Variants in PAN3 observed in about 807,000 individuals in gnomAD.
PAN3 encodes PAN2-PAN3 deadenylation complex subunit PAN3.
In PAN3, 19 loss-of-function variants were observed where a neutral mutation model predicts 96.2. The ratio of observed to expected loss-of-function variants is 0.20; its 90% confidence interval spans 0.14 to 0.29. The LOEUF (loss-of-function observed/expected upper bound fraction) is 0.29. Ranked by LOEUF, PAN3 falls within the 10% of genes least tolerant of loss-of-function variation. PAN3 has a pLI of 1.00. For synonymous variants in PAN3, 433 were observed against 406.6 expected, an observed-to-expected ratio of 1.06 and a Z score of -0.78; for missense variants, 882 against 1,108.1, an observed-to-expected ratio of 0.80 and a Z score of 2.90.
chr13:28,184,339 GA>G (rs61350502), intron 4 of PAN3, among the ~76,000 whole-genome samples: 5,719 of 152,126 alleles, frequency 0.038, 324 homozygotes, highest in African/African-American at 0.13. Flanking sequence ...CTTTGGGAGA[GA>G]TTATTTTTTC....
At chr13:28,213,565 A>G (rs2138336392) in intron 5 of PAN3, among the ~76,000 whole-genome samples, 1 of 152,276 alleles carries the variant, frequency 6.6e-6, no homozygotes, top group East Asian at 1.9e-4. Flanking sequence ...CAGTTTAGCT[A>G]AAATTATTGC....
chr13:28,271,928 A>G, intron 13 of PAN3, 53 bp from the exon 14 acceptor site: 1 of 1,313,708 alleles, frequency 7.6e-7, no homozygotes, highest in Non-Finnish European at 1.0e-6. Context: ...TGAGTATGCA[A>G]TTTTTTAAAA....
chr13:28,275,263 TTACCTTG>T (rs1452435171), intron 14 of PAN3, among the ~76,000 whole-genome samples: 1 of 152,242 alleles, frequency 6.6e-6, no homozygotes, highest in Non-Finnish European at 1.5e-5. Context: ...GTGGATGTTC[TTACCTTG>T]AGTCCGCTTT....
rs768361059 is a variant in PAN3, at chr13:28,176,443, T to C, written c.553-50T>C. ...GCCAGTCTTAATTGGTTGGATACTTTTATTTCTGTATTCCTCAGTGATGTT... is the reference window on the plus strand; with the variant it reads ...GCCAGTCTTAATTGGTTGGATACTTCTATTTCTGTATTCCTCAGTGATGTT... On this transcript the variant is annotated intron_variant, in intron 2 of 18. Transcript: ENST00000380958. 20 of 1,541,392 alleles carry C rather than the reference T, an allele frequency of 1.3e-5. 2 individuals are homozygous for C. The South Asian group carries it at 2.0e-4, about 15-fold the overall frequency.
At chr13:28,286,626 A>G (rs969361119) in intron 17 of PAN3, among the ~76,000 whole-genome samples, 1 of 152,152 alleles carries the variant, frequency 6.6e-6, no homozygotes, top group Admixed American at 6.5e-5. Flanking sequence ...CCACTTACCT[A>G]TCTGCCTCTG....
At chr13:28,224,209 C>A (rs1236846945) in intron 6 of PAN3, among the ~76,000 whole-genome samples, 3 of 152,112 alleles carry the variant, frequency 2.0e-5, no homozygotes, top group African/African-American at 7.2e-5. Context: ...TGCTGAATGT[C>A]CTTTTTCATC....
rs45521739 is a variant in PAN3 at position 28,271,261 on chromosome 13, A to C, written c.1958+395A>C. Among the ~76,000 whole-genome samples the C allele has an allele frequency of 4.7e-3, 719 of 152,276 alleles. 3 individuals carry two copies. Among genetic ancestry groups the C allele is most frequent in the African/African-American group, 0.017 (700 of 41,546 alleles). On this transcript the variant is annotated intron_variant, in intron 13 of 18. Transcript: ENST00000380958. ...CATTCATAAGTCTGCATTGGGGCCT[A>C]AGTATTTGCATATTTAACAAGTTTC...
chr13:28,185,880 C>T (rs974552533), intron 4 of PAN3, among the ~76,000 whole-genome samples: 4 of 152,074 alleles, frequency 2.6e-5, no homozygotes, highest in South Asian at 2.1e-4. Context: ...ATTCTATTTG[C>T]GAAGTGTAGT....
chr13:28,157,796 T>C (rs1872398737), intron 1 of PAN3, among the ~76,000 whole-genome samples: 1 of 152,126 alleles, frequency 6.6e-6, no homozygotes, highest in South Asian at 2.1e-4. Context: ...AAATAAATAT[T>C]CAATGCTTTT....
intron 1 of PAN3, among the ~76,000 whole-genome samples, chr13:28,140,576 C>T (rs1250650080): frequency 2.6e-5 from 4 of 152,086 alleles, no homozygotes; most frequent in Non-Finnish European, 4.4e-5. Context: ...GAGACGGGAT[C>T]TTCCTATGTT....
chr13:28,208,181 T>C (rs1487375924), intron 5 of PAN3, among the ~76,000 whole-genome samples: 3 of 152,184 alleles, frequency 2.0e-5, no homozygotes, highest in Non-Finnish European at 2.9e-5. Context: ...TTAGAAAGAA[T>C]ACATCTAAGT....
chr13:28,171,574 T>C (rs1874310484), intron 1 of PAN3, among the ~76,000 whole-genome samples: 1 of 152,210 alleles, frequency 6.6e-6, no homozygotes, highest in Admixed American at 6.5e-5. Context: ...TGATGGCTCA[T>C]GGAACTCAGG....
At chr13:28,233,863 T>C (rs1385256032) in intron 6 of PAN3, among the ~76,000 whole-genome samples, 1 of 152,220 alleles carries the variant, frequency 6.6e-6, no homozygotes, top group African/African-American at 2.4e-5. Flanking sequence ...CATCAGAAAT[T>C]CTGTTTTATT....
At chr13:28,273,716 G>A (rs1158696463) in intron 14 of PAN3, among the ~76,000 whole-genome samples, 1 of 150,988 alleles carries the variant, frequency 6.6e-6, no homozygotes, top group Non-Finnish European at 1.5e-5. Context: ...AGGCAGCTAT[G>A]ATTTTAAGAC....
intron 17 of PAN3, among the ~76,000 whole-genome samples, chr13:28,287,513 C>T (rs1869135429): frequency 1.3e-5 from 2 of 152,224 alleles, no homozygotes; most frequent in African/African-American, 2.4e-5. Context: ...TGAAAACTCA[C>T]AGTGGTCATC....
intron 1 of PAN3, among the ~76,000 whole-genome samples, chr13:28,164,969 G>A (rs1873346217): frequency 1.3e-5 from 2 of 152,150 alleles, no homozygotes; most frequent in African/African-American, 2.4e-5. Flanking sequence ...GCGCAGTGGC[G>A]CGATCTCAGC....
In PAN3 at chr13:28,196,531, C is replaced by G. The variant is rs74718933; in HGVS notation, c.691-654C>G. Among the ~76,000 whole-genome samples the G allele has an allele frequency of 4.8e-3, 725 of 150,094 alleles. 3 individuals are homozygous for G. The highest frequency in any genetic ancestry group is 0.017 in the African/African-American group (704 of 40,986). On this transcript the variant is annotated intron_variant, in intron 4 of 18. Transcript: ENST00000380958. Reference sequence around the variant, plus strand: ...TTCATATTATTGAGATTTAAAAGACCAATTTGTGTTACTGTTTTGTTGTTG... The same window carrying G: ...TTCATATTATTGAGATTTAAAAGACGAATTTGTGTTACTGTTTTGTTGTTG...
At chr13:28,220,169 T>C (rs938699505) in intron 5 of PAN3, 62 bp from the exon 6 acceptor site, 4 of 1,502,396 alleles carry the variant, frequency 2.7e-6, no homozygotes, top group Non-Finnish European at 3.7e-6. Flanking sequence ...ATATGCCTAG[T>C]AGATTCAATG....
intron 4 of PAN3, among the ~76,000 whole-genome samples, chr13:28,178,166 T>C (rs1279693699): frequency 2.6e-5 from 4 of 152,172 alleles, no homozygotes; most frequent in Non-Finnish European, 4.4e-5. Context: ...CTGCTTATTT[T>C]TGTTCAGTTT....
Sources: gnomAD v4.1 joint callset for allele counts (sites outside exome capture counted in the v4.1 genomes callset) on GRCh38, gnomAD v4.1.1 for gene constraint, MANE v1.5 for transcripts, NCBI Gene and HGNC (gene_info 2026-07-23, HGNC 2026-07-21) for gene names.